ATP10A: variants seen among roughly 807,000 people sequenced by gnomAD.
ATP10A encodes the protein phospholipid-transporting ATPase VA.
ATP10A carries 111 observed loss-of-function variants against 147.8 expected under a neutral mutation model. The observed-to-expected ratio is 0.75, with a 90% CI of 0.64 to 0.88. The LOEUF (loss-of-function observed/expected upper bound fraction) is 0.88. Ranked by LOEUF, ATP10A falls within the 40% of genes least tolerant of loss-of-function variation. The probability of loss-of-function intolerance (pLI) is 0.00; values close to 1 mark genes in which losing one functional copy is unlikely to be tolerated. For missense variants in ATP10A, 1,927 were observed against 1,959.0 expected, an observed-to-expected ratio of 0.98 and a Z score of 0.31; for synonymous variants, 875 against 841.6, an observed-to-expected ratio of 1.04 and a Z score of -0.69.
chr15:25,849,000 G>A (rs1893157892), intron 1 of ATP10A, among the ~76,000 whole-genome samples: 1 of 152,096 alleles, frequency 6.6e-6, no homozygotes, highest in Non-Finnish European at 1.5e-5. Flanking sequence ...GCTGTGGGAG[G>A]GGGAACATAG....
At chr15:25,799,556 A>G (rs1890841207) in intron 1 of ATP10A, among the ~76,000 whole-genome samples, 1 of 152,194 alleles carries the variant, frequency 6.6e-6, no homozygotes, top group Admixed American at 6.5e-5. Flanking sequence ...AATAACATTC[A>G]TTGGCATGTT....
At chr15:25,687,892 T>C in intron 15 of ATP10A, 64 bp from the exon 16 acceptor site, 1 of 1,606,168 alleles carries the variant, frequency 6.2e-7, no homozygotes, top group East Asian at 2.2e-5. Context: ...TGTCTTCTCT[T>C]CTCAAAATGC....
chr15:25,757,275 T>G (rs1888466559), intron 2 of ATP10A, among the ~76,000 whole-genome samples: 1 of 152,092 alleles, frequency 6.6e-6, no homozygotes, highest in African/African-American at 2.4e-5. Context: ...TTCTAGTAAT[T>G]ATAAAATTTA....
chr15:25,856,759 A>AATG (rs1257734510), intron 1 of ATP10A, among the ~76,000 whole-genome samples: 4 of 152,058 alleles, frequency 2.6e-5, no homozygotes, highest in East Asian at 1.9e-4. Context: ...AGACCAAAAC[A>AATG]ACGACAACAA....
At chr15:25,837,442 C>T (rs1381697591) in intron 1 of ATP10A, among the ~76,000 whole-genome samples, 1 of 152,150 alleles carries the variant, frequency 6.6e-6, no homozygotes, top group Non-Finnish European at 1.5e-5. Flanking sequence ...CTCACGCTAA[C>T]AAACAATCTC....
intron 13 of ATP10A, among the ~76,000 whole-genome samples, chr15:25,700,475 T>C (rs1900598413): frequency 6.6e-6 from 1 of 152,250 alleles, no homozygotes; most frequent in Non-Finnish European, 1.5e-5. Context: ...AATCTGGTGT[T>C]AGTGGATATT....
intron 1 of ATP10A, among the ~76,000 whole-genome samples, chr15:25,841,322 T>G (rs921319260): frequency 2.0e-5 from 3 of 151,762 alleles, no homozygotes; most frequent in African/African-American, 7.3e-5. Context: ...TCCCACACCG[T>G]TTATTGGAAA....
intron 12 of ATP10A, 34 bp downstream of exon 12, chr15:25,707,942 C>T: frequency 1.9e-6 from 3 of 1,606,816 alleles, no homozygotes; most frequent in South Asian, 1.1e-5. Flanking sequence ...AAACTCCACA[C>T]TGCCCTTAGG....
intron 2 of ATP10A, among the ~76,000 whole-genome samples, chr15:25,741,351 A>G (rs1257401447): frequency 6.6e-6 from 1 of 152,060 alleles, no homozygotes; most frequent in Non-Finnish European, 1.5e-5. Context: ...CTGCCGCACC[A>G]TCTCCCAAGA....
chr15:25,734,782 C>A (rs1887165064), intron 3 of ATP10A, among the ~76,000 whole-genome samples: 1 of 152,168 alleles, frequency 6.6e-6, no homozygotes, highest in African/African-American at 2.4e-5. Context: ...GGTGACGGGG[C>A]CATCACTTGG....
intron 1 of ATP10A, among the ~76,000 whole-genome samples, chr15:25,802,461 C>T (rs1344215610): frequency 6.6e-6 from 1 of 152,148 alleles, no homozygotes; most frequent in African/African-American, 2.4e-5. Flanking sequence ...CTTCCTGGGG[C>T]TGCAGTAACA....
chr15:25,835,746 C>T, intron 1 of ATP10A, among the ~76,000 whole-genome samples: 1 of 152,258 alleles, frequency 6.6e-6, no homozygotes, highest in Non-Finnish European at 1.5e-5. Flanking sequence ...GTCCTCCCAC[C>T]TCAGCCTCCC....
intron 1 of ATP10A, among the ~76,000 whole-genome samples, chr15:25,787,122 AC>A: frequency 6.6e-6 from 1 of 152,206 alleles, no homozygotes; most frequent in East Asian, 1.9e-4. Context: ...CCCAAAAGTC[AC>A]ACAAACCTGG....
chr15:25,863,880 C>A (rs183453905), upstream of ATP10A, among the ~76,000 whole-genome samples: 2 of 152,382 alleles, frequency 1.3e-5, no homozygotes, highest in Non-Finnish European at 2.9e-5. Flanking sequence ...CGAACTAGAC[C>A]GTTTCCTTTC....
chr15:25,845,320 GTT>G (rs1374687011), intron 1 of ATP10A, among the ~76,000 whole-genome samples: 1 of 86,684 alleles, frequency 1.2e-5, no homozygotes, highest in Non-Finnish European at 2.4e-5. Context: ...CCGTTTGTGT[GTT>G]TGTGTGTGTG....
intron 2 of ATP10A, among the ~76,000 whole-genome samples, chr15:25,749,025 T>C (rs1596811661): frequency 7.2e-6 from 1 of 139,796 alleles, no homozygotes; most frequent in Admixed American, 7.8e-5. Flanking sequence ...ATAGCACCAC[T>C]GTACTTCAGC....
At chr15:25,683,253 G>C in intron 17 of ATP10A, 33 bp downstream of exon 17, 1 of 1,601,684 alleles carries the variant, frequency 6.2e-7, no homozygotes, top group Non-Finnish European at 8.5e-7. Flanking sequence ...CAGAGCTCAG[G>C]AGGTGGAAGG....
intron 3 of ATP10A, among the ~76,000 whole-genome samples, chr15:25,729,235 C>T (rs995395537): frequency 2.6e-5 from 4 of 152,148 alleles, no homozygotes; most frequent in Non-Finnish European, 5.9e-5. Flanking sequence ...GCCTGTAATC[C>T]CAGCACTTTG....
At chr15:25,676,325 C>T (rs2140262924), downstream of ATP10A, among the ~76,000 whole-genome samples, 1 of 152,348 alleles carries the variant, frequency 6.6e-6, no homozygotes, top group South Asian at 2.1e-4. Context: ...CCCTGCTCCT[C>T]TCTGCACTTT....
Sources: gnomAD v4.1 joint callset for allele counts (sites outside exome capture counted in the v4.1 genomes callset) on GRCh38, gnomAD v4.1.1 for gene constraint, MANE v1.5 for transcripts, NCBI Gene and HGNC (gene_info 2026-07-23, HGNC 2026-07-21) for gene names.